Variants in MACROD1 observed in about 807,000 individuals in gnomAD.
MACROD1 encodes the protein mono-ADP ribosylhydrolase 1, also known as ADP-ribose glycohydrolase MACROD1.
Under a neutral mutation model 41.4 loss-of-function variants are expected in MACROD1, and 31 were observed. The observed-to-expected ratio is 0.75, with a 90% CI of 0.56 to 1.01. MACROD1 has a LOEUF of 1.01. MACROD1 is among the 50% of genes least tolerant of loss of function. MACROD1 has a pLI of 0.00. For synonymous variants in MACROD1, 252 were observed against 203.4 expected (o/e 1.24, Z -2.03); for missense variants, 473 against 460.0 (o/e 1.03, Z -0.26).
intron 3 of MACROD1, among the ~76,000 whole-genome samples, chr11:64,050,323 T>C (rs1943669243): frequency 6.6e-6 from 1 of 151,778 alleles, no homozygotes; most frequent in Admixed American, 6.5e-5. Flanking sequence ...CTTGACTGAG[T>C]TTAGTGCTCT....
chr11:64,074,764 C>T (rs900767920), intron 3 of MACROD1, among the ~76,000 whole-genome samples: 3 of 152,184 alleles, frequency 2.0e-5, no homozygotes, highest in Non-Finnish European at 4.4e-5. Flanking sequence ...CTCCAGGCTT[C>T]TCATGAAACA....
Position 64,165,920 on chromosome 11 carries a change from G to A in MACROD1, c.75C>T (p.Arg25=), listed in dbSNP as rs1454306800. 3 of 1,330,882 alleles carry A rather than the reference G, an allele frequency of 2.3e-6. No individual in the cohort carries two copies. The highest frequency in any genetic ancestry group is 3.1e-5 in the East Asian group (1 of 32,394). 82.4% of individuals were successfully genotyped at this position (1,330,882 alleles called of 1,614,324 possible). ...CACCCGCCAAGTGTCCGGGCCGGGG[G>A]CGCGGGGGGACGAGCAGCTGCCCCG... The part of the protein sequence containing the change: ...RAAGQLLVPP[R]PRPGHLAGAT... The change falls in exon 1 of 11, where the codon CGC becomes CGT. Residue 25 remains arginine, a synonymous_variant. Coordinates refer to ENST00000255681, the MANE Select transcript of MACROD1 (RefSeq NM_014067.4).
chr11:64,028,604 C>T (rs190510955), intron 3 of MACROD1, among the ~76,000 whole-genome samples: 1 of 152,238 alleles, frequency 6.6e-6, no homozygotes, highest in Admixed American at 6.5e-5. Context: ...AAGAATCCCT[C>T]CTCGGCAGCG....
chr11:64,049,541 C>T (rs773089018), intron 3 of MACROD1, among the ~76,000 whole-genome samples: 2 of 152,220 alleles, frequency 1.3e-5, no homozygotes, highest in South Asian at 2.1e-4. Context: ...CCTCCCCAAG[C>T]GGTCTTGGTC....
intron 3 of MACROD1, among the ~76,000 whole-genome samples, chr11:64,041,503 T>A (rs1256686018): frequency 6.7e-6 from 1 of 150,328 alleles, no homozygotes; most frequent in African/African-American, 2.4e-5. Context: ...CCGGGGCTGC[T>A]CTGGAGGGTG....
At chr11:64,042,180 ACACT>A (rs1273236736) in intron 3 of MACROD1, among the ~76,000 whole-genome samples, 1 of 152,134 alleles carries the variant, frequency 6.6e-6, no homozygotes, top group East Asian at 1.9e-4. Flanking sequence ...CTTCATGCAC[ACACT>A]CTTGCACACA....
intron 3 of MACROD1, among the ~76,000 whole-genome samples, chr11:64,033,705 G>C (rs1476514448): frequency 6.6e-6 from 1 of 152,032 alleles, no homozygotes; most frequent in Non-Finnish European, 1.5e-5. Flanking sequence ...GCCAGGCGTA[G>C]TGGTGCATTC....
chr11:64,005,749 T>G (rs1445547936), intron 4 of MACROD1, among the ~76,000 whole-genome samples: 1 of 152,252 alleles, frequency 6.6e-6, no homozygotes, highest in Non-Finnish European at 1.5e-5. Context: ...GTCATGCTTT[T>G]GGGGGCCTTG....
chr11:64,041,988 TG>T (rs957894635), intron 3 of MACROD1, among the ~76,000 whole-genome samples: 7 of 152,176 alleles, frequency 4.6e-5, no homozygotes, highest in Admixed American at 2.0e-4. Context: ...TTGGGTTCAG[TG>T]GGGGGCAGTT....
chr11:64,143,747 C>A (rs1042505111), intron 3 of MACROD1, among the ~76,000 whole-genome samples: 7 of 94,254 alleles, frequency 7.4e-5, no homozygotes, highest in Admixed American at 1.6e-4. Context: ...AACCCCGACA[C>A]ACACATACAC....
intron 4 of MACROD1, among the ~76,000 whole-genome samples, chr11:64,002,662 G>T (rs1942845633): frequency 6.6e-6 from 1 of 152,128 alleles, no homozygotes; most frequent in Non-Finnish European, 1.5e-5. Flanking sequence ...GTGCAGAGGG[G>T]AACCCCCCCA....
intron 3 of MACROD1, among the ~76,000 whole-genome samples, chr11:64,069,202 C>T (rs935409450): frequency 3.3e-5 from 5 of 152,172 alleles, no homozygotes; most frequent in Admixed American, 6.5e-5. Flanking sequence ...GGCCACTGCG[C>T]GCGGCCGGGG....
intron 3 of MACROD1, among the ~76,000 whole-genome samples, chr11:64,131,412 C>T (rs1183318611): frequency 6.6e-6 from 1 of 152,180 alleles, no homozygotes; most frequent in South Asian, 2.1e-4. Context: ...CGGCAGCTTC[C>T]GCCTCCCAGG....
intron 3 of MACROD1, among the ~76,000 whole-genome samples, chr11:64,065,604 A>G (rs1168747857): frequency 1.4e-5 from 2 of 144,534 alleles, no homozygotes; most frequent in Admixed American, 1.4e-4. Context: ...CCTGGCTAAC[A>G]CGGTGAAACC....
chr11:64,127,724 T>C (rs1479348493), intron 3 of MACROD1, among the ~76,000 whole-genome samples: 1 of 152,120 alleles, frequency 6.6e-6, no homozygotes, highest in Non-Finnish European at 1.5e-5. Flanking sequence ...AGCTATGGGT[T>C]ATCCTGGAAG....
intron 3 of MACROD1, among the ~76,000 whole-genome samples, chr11:64,133,096 A>G (rs2134662549): frequency 6.6e-6 from 1 of 152,270 alleles, no homozygotes; most frequent in South Asian, 2.1e-4. Context: ...AGACCTCCCC[A>G]GGAAGACCTC....
rs563290570 is a variant in MACROD1, at chr11:64,067,643, A to G, written c.518-52362T>C. ...TGCCCGTGGCCTCCGGTGCACACAC[A>G]GGGTCCCCAAGCAGGCAGCTGGAGG... On this transcript the variant is annotated intron_variant, in intron 3 of 10. Coordinates refer to ENST00000255681, the MANE Select transcript of MACROD1 (RefSeq NM_014067.4). The surrounding 1 kb of genome is among the most constrained non-coding windows in gnomAD (Gnocchi z 4.6). Among the ~76,000 whole-genome samples the G allele has an allele frequency of 6.6e-6, 1 of 152,214 alleles. No individual in the cohort carries two copies. The highest frequency in any genetic ancestry group is 2.1e-4 in the South Asian group (1 of 4,822).
chr11:64,105,627 G>T (rs898437541), intron 3 of MACROD1, among the ~76,000 whole-genome samples: 1 of 152,158 alleles, frequency 6.6e-6, no homozygotes, highest in Admixed American at 6.5e-5. Flanking sequence ...CCACAGGCAT[G>T]AGTGACCCCA....
At chr11:64,116,984 C>T (rs759006883) in intron 3 of MACROD1, 4 of 1,612,272 alleles carry the variant, frequency 2.5e-6, no homozygotes, top group Admixed American at 1.7e-5. Context: ...ACCAGCGCAT[C>T]GCCGACGACA....
Sources: allele counts gnomAD v4.1 joint callset (sites outside exome capture counted in the v4.1 genomes callset), GRCh38; gene constraint gnomAD v4.1.1; non-coding constraint Gnocchi (gnomAD v3.1); transcripts MANE v1.5; gene names NCBI Gene and HGNC (gene_info 2026-07-23, HGNC 2026-07-21).